Variants in MAGI3 observed in about 807,000 individuals in gnomAD.
The protein encoded by MAGI3 is membrane associated guanylate kinase, WW and PDZ domain containing 3.
MAGI3 carries 43 observed loss-of-function variants against 121.8 expected under a neutral mutation model. The ratio of observed to expected loss-of-function variants is 0.35; its 90% CI spans 0.28 to 0.46. MAGI3 has a LOEUF of 0.46. Ranked by LOEUF, MAGI3 falls within the 20% of genes least tolerant of loss-of-function variation. The pLI is 1.00. For synonymous variants in MAGI3, 553 were observed against 639.3 expected (o/e 0.86, Z 2.04); for missense variants, 1,547 against 1,797.3 (o/e 0.86, Z 2.52).
At chr1:113,504,961 CT>C (rs1293339131) in intron 1 of MAGI3, among the ~76,000 whole-genome samples, 1 of 152,064 alleles carries the variant, frequency 6.6e-6, no homozygotes, top group Non-Finnish European at 1.5e-5. Context: ...ATATCCAATT[CT>C]TTTGTAGAAC....
At chr1:113,660,649 C>G (rs997079988) in intron 16 of MAGI3, among the ~76,000 whole-genome samples, 1 of 146,492 alleles carries the variant, frequency 6.8e-6, no homozygotes, top group Non-Finnish European at 1.5e-5. Context: ...GGGTCTCACT[C>G]TGTTGCCCAG....
chr1:113,641,554 G>A (rs187263772), intron 9 of MAGI3, among the ~76,000 whole-genome samples: 2 of 151,898 alleles, frequency 1.3e-5, no homozygotes, highest in Admixed American at 6.6e-5. Context: ...ATTTGCTTCT[G>A]TACTAAATAC....
At chr1:113,438,123 T>C (rs1450757101) in intron 1 of MAGI3, among the ~76,000 whole-genome samples, 2 of 151,906 alleles carry the variant, frequency 1.3e-5, no homozygotes, top group African/African-American at 4.8e-5. Context: ...ATCTTTTTGT[T>C]TGAGGCTGGG....
At position 113,460,842 on chromosome 1, in the gene MAGI3, AG is replaced by A. The variant is rs1340082372; in HGVS notation, c.316+69494del. ...AAAAAAAAGAAAACCCCATAGGCTC[AG>A]CTTGAAAACTCCTCCAGCTGATACA... On this transcript the variant is annotated intron_variant, in intron 1 of 20. Transcript: ENST00000307546. 3.9e-5 allele frequency among the ~76,000 whole-genome samples: 6 copies of A among 152,132 alleles called. No homozygotes were observed. In the South Asian group the frequency reaches 1.2e-3, roughly 32 times the overall value.
chr1:113,437,634 A>G (rs1653635513), intron 1 of MAGI3, among the ~76,000 whole-genome samples: 1 of 152,082 alleles, frequency 6.6e-6, no homozygotes, highest in Admixed American at 6.5e-5. Context: ...AACTATATAT[A>G]TCAGTTACTC....
chr1:113,542,344 GGAGTT>G (rs10590203), intron 1 of MAGI3, among the ~76,000 whole-genome samples: 98,959 of 151,368 alleles, frequency 0.65, 35,322 homozygotes, highest in East Asian at 0.93. Context: ...GGACGGTATG[GGAGTT>G]GAGTTCATTG....
Position 113,672,675 on chromosome 1 carries a change from A to C in MAGI3, c.2979A>C (p.Ser993=). The C allele has an allele frequency of 8.1e-6, 13 of 1,614,120 alleles. No individual in the cohort carries two copies. Among genetic ancestry groups the C allele is most frequent in the Non-Finnish European group, 1.1e-5 (13 of 1,179,970 alleles). The change falls in exon 18 of 21, where the codon TCA becomes TCC. Residue 993 remains serine (S), a synonymous_variant. Coordinates refer to ENST00000307546, the MANE Select transcript of MAGI3 (RefSeq NM_001142782.2). ...CCACTTCTTACAGACATTCTTGGTC[A>C]GACCACAAGCACCTTGCACAGCCTG... ...DVSTSYRHSW[S]DHKHLAQPDT...
At chr1:113,560,413 CCAAAAAAA>C (rs1660182962) in intron 2 of MAGI3, among the ~76,000 whole-genome samples, 1 of 132,554 alleles carries the variant, frequency 7.5e-6, no homozygotes, top group Admixed American at 7.3e-5. Flanking sequence ...ACAAAAAAAA[CCAAAAAAA>C]CAATAAAACA....
chr1:113,471,130 C>A (rs767016625), intron 1 of MAGI3, among the ~76,000 whole-genome samples: 21 of 152,072 alleles, frequency 1.4e-4, no homozygotes, highest in Non-Finnish European at 2.6e-4. Context: ...CCAAATGGAC[C>A]TACCAGATAT....
chr1:113,464,128 T>C (rs1390960187), intron 1 of MAGI3, among the ~76,000 whole-genome samples: 2 of 152,078 alleles, frequency 1.3e-5, no homozygotes, highest in African/African-American at 2.4e-5. Context: ...TTTGTACCTA[T>C]TAATCAACTC....
At chr1:113,678,506 T>A (rs1157013596) in intron 19 of MAGI3, among the ~76,000 whole-genome samples, 1 of 152,242 alleles carries the variant, frequency 6.6e-6, no homozygotes, top group Non-Finnish European at 1.5e-5. Context: ...ATATTGTCCA[T>A]TTGTTCAAGA....
intron 1 of MAGI3, among the ~76,000 whole-genome samples, chr1:113,512,548 C>A (rs1053625638): frequency 2.0e-5 from 3 of 152,116 alleles, no homozygotes; most frequent in African/African-American, 7.2e-5. Context: ...ATTTTTAAAG[C>A]CTGTTCTTTT....
At chr1:113,682,734 C>G in intron 20 of MAGI3, 163 bp from the exon 21 acceptor site, 1 of 983,088 alleles carries the variant, frequency 1.0e-6, no homozygotes, top group Non-Finnish European at 1.2e-6. Context: ...CTGTACACAT[C>G]CGCCTTTATA....
chr1:113,415,670 G>A (rs772498856), intron 1 of MAGI3, among the ~76,000 whole-genome samples: 3 of 151,840 alleles, frequency 2.0e-5, no homozygotes, highest in African/African-American at 7.3e-5. Flanking sequence ...AATCTTACAA[G>A]TGTGGACCCA....
chr1:113,630,222 G>A (rs981723067), intron 9 of MAGI3, among the ~76,000 whole-genome samples: 4 of 152,076 alleles, frequency 2.6e-5, no homozygotes, highest in African/African-American at 9.7e-5. Context: ...CTCTCCCTGT[G>A]GCCACCAACA....
intron 15 of MAGI3, among the ~76,000 whole-genome samples, chr1:113,656,317 C>T (rs1653465471): frequency 6.6e-6 from 1 of 152,186 alleles, no homozygotes; most frequent in Admixed American, 6.5e-5. Flanking sequence ...AGACTGAACA[C>T]TTGCTGCAAA....
chr1:113,619,285 G>C (rs959892106), intron 7 of MAGI3, among the ~76,000 whole-genome samples: 1 of 152,160 alleles, frequency 6.6e-6, no homozygotes, highest in East Asian at 1.9e-4. Context: ...CAGTGGAAAA[G>C]TAATAGTAAT....
In MAGI3 at chr1:113,497,220, G is replaced by GCACTCCAGCCTGGGTGTCAAAGC. The variant is rs1322712187; in HGVS notation, c.317-52295_317-52294insCACTCCAGCCTGGGTGTCAAAGC. ...TGCAGTGAGCTAAGATCACACCACT[G>GCACTCCAGCCTGGGTGTCAAAGC]GAATAGGAACAGCTCCGGTCTACAG... On this transcript the variant is annotated intron_variant, in intron 1 of 20. Coordinates refer to ENST00000307546, the MANE Select transcript of MAGI3 (RefSeq NM_001142782.2). 2.6e-3 allele frequency among the ~76,000 whole-genome samples: 375 copies of GCACTCCAGCCTGGGTGTCAAAGC among 144,936 alleles called. 1 individual carries two copies. The highest frequency in any genetic ancestry group is 8.8e-3 in the East Asian group (27 of 3,060).
At chr1:113,581,394 G>GTA (rs1648016116) in intron 3 of MAGI3, among the ~76,000 whole-genome samples, 2 of 152,034 alleles carry the variant, frequency 1.3e-5, no homozygotes, top group Non-Finnish European at 1.5e-5. Flanking sequence ...GGAATTCAGC[G>GTA]TATCTAAATA....
Sources: allele counts gnomAD v4.1 joint callset (sites outside exome capture counted in the v4.1 genomes callset), GRCh38; gene constraint gnomAD v4.1.1; transcripts MANE v1.5; gene names NCBI Gene and HGNC (gene_info 2026-07-23, HGNC 2026-07-21).